The following CCDC148 variants were observed in gnomAD, a reference collection of about 807,000 sequenced individuals.
CCDC148 encodes coiled-coil domain containing 148.
In CCDC148, 89 loss-of-function variants were observed where a neutral mutation model predicts 85.7. The ratio of observed to expected loss-of-function variants is 1.04; its 90% confidence interval spans 0.87 to 1.24. The LOEUF (loss-of-function observed/expected upper bound fraction) is 1.24, where lower values mean the gene tolerates loss of function less well. CCDC148 is among the 50% of genes most tolerant of loss of function. The probability of loss-of-function intolerance (pLI) is 0.00; values close to 1 mark genes in which losing one functional copy is unlikely to be tolerated. For missense variants in CCDC148, 692 were observed against 671.7 expected, an observed-to-expected ratio of 1.03 and a Z score of -0.33; for synonymous variants, 230 against 213.9, an observed-to-expected ratio of 1.08 and a Z score of -0.66.
intron 10 of CCDC148, among the ~76,000 whole-genome samples, chr2:158,222,470 T>TTC (rs369654189): frequency 0.011 from 1,613 of 148,318 alleles, 30 homozygotes; most frequent in African/African-American, 0.039. Context: ...CTCTCTCTCT[T>TTC]TCTCTCTCTC....
At chr2:158,274,426 C>T (rs1309061963) in intron 9 of CCDC148, among the ~76,000 whole-genome samples, 2 of 152,228 alleles carry the variant, frequency 1.3e-5, no homozygotes, top group Non-Finnish European at 2.9e-5. Flanking sequence ...CTGTCATAGT[C>T]ACTGTGTTAA....
chr2:158,228,573 G>A (rs1687679340), intron 10 of CCDC148, among the ~76,000 whole-genome samples: 1 of 152,110 alleles, frequency 6.6e-6, no homozygotes, highest in African/African-American at 2.4e-5. Context: ...GTCCAACAAT[G>A]ATAGACTGGA....
chr2:158,361,601 A>G (rs564775045), intron 1 of CCDC148, among the ~76,000 whole-genome samples: 1 of 152,302 alleles, frequency 6.6e-6, no homozygotes, highest in South Asian at 2.1e-4. Context: ...GAGAAATAAA[A>G]TACTTTACAG....
chr2:158,324,318 A>C (rs1692662717), intron 7 of CCDC148, among the ~76,000 whole-genome samples: 1 of 152,158 alleles, frequency 6.6e-6, no homozygotes, highest in Admixed American at 6.6e-5. Flanking sequence ...GAAAAAAAGA[A>C]AGTCCATGTT....
chr2:158,234,716 C>T (rs536029369), intron 10 of CCDC148, among the ~76,000 whole-genome samples: 44 of 151,746 alleles, frequency 2.9e-4, no homozygotes, highest in South Asian at 6.2e-4. Flanking sequence ...AATTATGCGG[C>T]AGGAGAAAAA....
At chr2:158,244,161 C>A (rs1286178458) in intron 10 of CCDC148, among the ~76,000 whole-genome samples, 5 of 152,276 alleles carry the variant, frequency 3.3e-5, no homozygotes, top group East Asian at 1.9e-4. Context: ...CCTTAAAATT[C>A]TTCCAGCCTC....
intron 1 of CCDC148, among the ~76,000 whole-genome samples, chr2:158,359,844 AG>A (rs1031548514): frequency 6.6e-6 from 1 of 152,148 alleles, no homozygotes; most frequent in African/African-American, 2.4e-5. Context: ...TCCCCTGGAA[AG>A]GGGGCTGAAA....
At chr2:158,216,382 A>G (rs1234421157) in intron 11 of CCDC148, among the ~76,000 whole-genome samples, 2 of 146,276 alleles carry the variant, frequency 1.4e-5, no homozygotes, top group Non-Finnish European at 3.0e-5. Flanking sequence ...CAAAAAGCAC[A>G]ATACTTTTTT....
In CCDC148 at chr2:158,456,674, C is replaced by A. The variant is rs1023603908; in HGVS notation, c.-235G>T. Reference sequence around the variant, plus strand: ...CCCTGTCCTCTCCGCCACCCCCTCCCGCGCCCGAGACCTGAGACACCTTCT... The same window carrying A: ...CCCTGTCCTCTCCGCCACCCCCTCCAGCGCCCGAGACCTGAGACACCTTCT... On this transcript the variant is annotated 5_prime_UTR_variant, in exon 1 of 14. Coordinates refer to ENST00000283233, the MANE Select transcript of CCDC148 (RefSeq NM_138803.4). 3.4e-5 allele frequency: 20 copies of A among 579,958 alleles called. 1 individual carries two copies. The highest frequency in any genetic ancestry group is 4.5e-4 in the Middle Eastern group (1 of 2,224). 35.9% of individuals were successfully genotyped at this position (579,958 alleles called of 1,614,324 possible). A position where few individuals can be genotyped will look rare whatever the true frequency, so the allele number is the denominator to read the frequency against.
chr2:158,455,659 G>C (rs1012872469), intron 1 of CCDC148, among the ~76,000 whole-genome samples: 2 of 151,810 alleles, frequency 1.3e-5, no homozygotes, highest in Non-Finnish European at 2.9e-5. Flanking sequence ...AAAGAGATTA[G>C]TCTAAAAAAA....
At chr2:158,299,831 T>C (rs1012106717) in intron 9 of CCDC148, among the ~76,000 whole-genome samples, 1 of 152,178 alleles carries the variant, frequency 6.6e-6, no homozygotes, top group Non-Finnish European at 1.5e-5. Context: ...TGGAAGGAAT[T>C]GATACTGTGG....
intron 7 of CCDC148, among the ~76,000 whole-genome samples, chr2:158,335,493 C>T (rs1306104671): frequency 1.3e-5 from 2 of 152,108 alleles, no homozygotes; most frequent in African/African-American, 4.8e-5. Flanking sequence ...TTAATTGACT[C>T]ACAGTTCCAC....
At chr2:158,205,516 T>C (rs1398220293) in intron 11 of CCDC148, among the ~76,000 whole-genome samples, 1 of 138,214 alleles carries the variant, frequency 7.2e-6, no homozygotes, top group African/African-American at 2.6e-5. Context: ...GTGCTTTATA[T>C]ACATCATTTC....
intron 7 of CCDC148, among the ~76,000 whole-genome samples, chr2:158,329,553 A>T (rs1163550281): frequency 6.6e-6 from 1 of 151,950 alleles, no homozygotes; most frequent in Non-Finnish European, 1.5e-5. Context: ...GAAGAAAGTC[A>T]TTGGTAGCTT....
intron 9 of CCDC148, among the ~76,000 whole-genome samples, chr2:158,255,070 A>G (rs539840049): frequency 5.2e-4 from 79 of 151,682 alleles, no homozygotes; most frequent in African/African-American, 1.9e-3. Context: ...TGCAAATTCA[A>G]CAACCAAAAG....
chr2:158,270,449 G>A (rs1322952174), intron 9 of CCDC148, among the ~76,000 whole-genome samples: 6 of 152,144 alleles, frequency 3.9e-5, no homozygotes, highest in East Asian at 1.9e-4. Context: ...TACTTTGTAC[G>A]AGGAAAAGAG....
intron 9 of CCDC148, among the ~76,000 whole-genome samples, chr2:158,307,665 G>C (rs1325935326): frequency 6.6e-6 from 1 of 152,122 alleles, no homozygotes; most frequent in African/African-American, 2.4e-5. Flanking sequence ...ATTTCTGTTA[G>C]CAGGAAAATA....
At chr2:158,429,643 A>G (rs996895128) in intron 1 of CCDC148, among the ~76,000 whole-genome samples, 3 of 152,226 alleles carry the variant, frequency 2.0e-5, no homozygotes, top group African/African-American at 7.2e-5. Context: ...CTGAGGGATT[A>G]AGGTAGTAAT....
chr2:158,432,792 G>C (rs558712461), intron 1 of CCDC148, among the ~76,000 whole-genome samples: 1 of 152,060 alleles, frequency 6.6e-6, no homozygotes, highest in African/African-American at 2.4e-5. Flanking sequence ...CAGGAAAAGA[G>C]ACCAGGCGTA....
Sources: gnomAD v4.1 joint callset for allele counts (sites outside exome capture counted in the v4.1 genomes callset) on GRCh38, gnomAD v4.1.1 for gene constraint, MANE v1.5 for transcripts, NCBI Gene and HGNC (gene_info 2026-07-23, HGNC 2026-07-21) for gene names.